Variants in CKMT1A observed in about 807,000 individuals in gnomAD.
The protein encoded by CKMT1A is creatine kinase U-type, mitochondrial.
A neutral mutation model predicts 21.8 loss-of-function variants in CKMT1A; 23 were observed. The observed-to-expected ratio is 1.05, with a 90% CI of 0.76 to 1.49. The LOEUF (loss-of-function observed/expected upper bound fraction) is 1.49, where lower values mean the gene tolerates loss of function less well. Ranked by LOEUF, CKMT1A falls within the 40% of genes most tolerant of loss-of-function variation. CKMT1A has a pLI of 0.00. For missense variants in CKMT1A, 154 were observed against 229.4 expected (o/e 0.67, Z 2.12); for synonymous variants, 67 against 80.4 (o/e 0.83, Z 0.89).
intron 6 of CKMT1A, chr15:43,697,735 T>A (rs1314563892): frequency 1.0e-6 from 1 of 984,578 alleles, no homozygotes; most frequent in Non-Finnish European, 1.2e-6. Context: ...TCTGTTCATT[T>A]CCCTAGATCA....
chr15:43,698,956 A>G lies in CKMT1A; in HGVS notation c.1138-17A>G. 2 of 1,613,576 alleles carry G rather than the reference A, an allele frequency of 1.2e-6. No homozygotes were observed. The highest frequency in any genetic ancestry group is 1.7e-6 in the Non-Finnish European group (2 of 1,179,832). Reference sequence around the variant, plus strand: ...TCAGACTGTAGGAAGCAGAGATCAAAGATTAGTGTCCTTCAGGTGGAGCTG... The same window carrying G: ...TCAGACTGTAGGAAGCAGAGATCAAGGATTAGTGTCCTTCAGGTGGAGCTG... On this transcript the variant is annotated splice_polypyrimidine_tract_variant and intron_variant, in intron 8 of 8. Transcript: ENST00000413453.
chr15:43,696,836 G>A lies in CKMT1A; in HGVS notation c.876+473G>A, dbSNP rs148587334. ...ATCGGGTCTAGGCTTTAAGTTGAGA[G>A]TTCAGAGGGAGACTGGGGAAGGTGG... On this transcript the variant is annotated intron_variant, in intron 6 of 8. Coordinates refer to ENST00000413453, the MANE Select transcript of CKMT1A (RefSeq NM_001321926.2). The A allele has an allele frequency of 2.3e-3, 662 of 284,872 alleles. 10 individuals carry two copies. Among genetic ancestry groups the A allele is most frequent in the African/African-American group, 0.014 (624 of 45,458 alleles). 17.6% of individuals were successfully genotyped at this position (284,872 alleles called of 1,614,324 possible). A position where few individuals can be genotyped will look rare whatever the true frequency, so the allele number is the denominator to read the frequency against.
At chr15:43,695,965 G>A in intron 4 of CKMT1A, 56 bp downstream of exon 4, 4 of 352,294 alleles carry the variant, frequency 1.1e-5, no homozygotes, top group Non-Finnish European at 1.4e-5. Context: ...GGCTGGGCCA[G>A]ATGAGACATG....
At chr15:43,697,970 G>T (rs1480045635) in intron 6 of CKMT1A, 44 bp from the exon 7 acceptor site, 3 of 1,612,856 alleles carry the variant, frequency 1.9e-6, no homozygotes, top group Non-Finnish European at 2.5e-6. Context: ...CAGGGTTAAT[G>T]AAATATCCCT....
At chr15:43,697,839 A>C (rs1230130518) in intron 6 of CKMT1A, 175 bp from the exon 7 acceptor site, 3 of 979,698 alleles carry the variant, frequency 3.1e-6, no homozygotes, top group Admixed American at 1.2e-4. Context: ...TGCATCATGC[A>C]TGCATGAAAA....
Position 43,699,060 on chromosome 15 carries a change from C to T in CKMT1A, c.1225C>T (p.Pro409Ser), listed in dbSNP as rs2086501976. Residue 409 changes from proline (P) to serine (S), a missense_variant, in exon 9 of 9, where the codon CCC becomes TCC. By Grantham distance (74) the Pro-to-Ser change is moderately conservative. Transcript: ENST00000413453. ...RLERGQDIRI[P>S]TPVIHTKH ...GGAGAGAGGCCAGGATATCCGCATC[C>T]CCACACCTGTCATCCACACCAAGCA... 6.2e-7 allele frequency: 1 copy of T among 1,613,420 alleles called. No homozygotes were observed.
chr15:43,698,900 G>C (rs1177285748), intron 8 of CKMT1A, 73 bp from the exon 9 acceptor site: 3 of 1,603,220 alleles, frequency 1.9e-6, no homozygotes, highest in East Asian at 2.2e-5. Flanking sequence ...TTGGAAATGA[G>C]CAGGCAAGTC....
In CKMT1A at chr15:43,698,625, C is replaced by G; in HGVS notation, c.1012-16C>G. On this transcript the variant is annotated splice_polypyrimidine_tract_variant and intron_variant, in intron 7 of 8. Transcript: ENST00000413453. ...GCCTCTATTGACCCTGCTCCCAATC[C>G]CTATCTCCTCTCTAGGATAGCCGCT... 1.2e-6 allele frequency: 2 copies of G among 1,610,344 alleles called. No individual in the cohort carries two copies. The highest frequency in any genetic ancestry group is 8.5e-7 in the Non-Finnish European group (1 of 1,177,916).
At chr15:43,696,450 C>G (rs113935795) in intron 6 of CKMT1A, 87 bp downstream of exon 6, 5 of 1,590,598 alleles carry the variant, frequency 3.1e-6, no homozygotes, top group South Asian at 2.2e-5. Flanking sequence ...ATTTATCAAC[C>G]AACCCAAGAC....
Position 43,698,100 on chromosome 15 carries a change from C to T in CKMT1A, c.963C>T (p.Gly321=), listed in dbSNP as rs760886543. The change falls in exon 7 of 9, where the codon GGC becomes GGT. Residue 321 remains glycine (G), a synonymous_variant. Coordinates refer to ENST00000413453, the MANE Select transcript of CKMT1A (RefSeq NM_001321926.2). Reference sequence around the variant, plus strand: ...TCTTGACCTGTCCATCTAACCTGGGCACTGGACTTCGGGCAGGAGTGCACA... The same window carrying T: ...TCTTGACCTGTCCATCTAACCTGGGTACTGGACTTCGGGCAGGAGTGCACA... ...GYILTCPSNL[G]TGLRAGVHIK... 16 of 1,612,768 alleles carry T rather than the reference C, an allele frequency of 9.9e-6. No individual in the cohort carries two copies. In the Admixed American group the frequency reaches 2.2e-4, roughly 22 times the overall value.
chr15:43,696,186 A>G (rs1237829367), intron 5 of CKMT1A, 54 bp from the exon 6 acceptor site: 3 of 1,415,852 alleles, frequency 2.1e-6, no homozygotes, highest in Non-Finnish European at 2.9e-6. Context: ...TTTTCCCTCT[A>G]TCTCTCCCAA....
At chr15:43,695,963 C>T in intron 4 of CKMT1A, 54 bp downstream of exon 4, 1 of 347,970 alleles carries the variant, frequency 2.9e-6, no homozygotes, top group Non-Finnish European at 4.9e-6. Context: ...AAGGCTGGGC[C>T]AGATGAGACA....
intron 6 of CKMT1A, chr15:43,696,666 A>C (rs938177085): frequency 1.1e-5 from 5 of 450,362 alleles, no homozygotes; most frequent in African/African-American, 1.0e-4. Context: ...GTGCAGTGGG[A>C]TGGTGAGGTG....
intron 6 of CKMT1A, 52 bp from the exon 7 acceptor site, chr15:43,697,962 G>A: frequency 6.2e-7 from 1 of 1,612,412 alleles, no homozygotes; most frequent in Non-Finnish European, 8.5e-7. Flanking sequence ...GGAGGGTCCA[G>A]GGTTAATGAA....
At chr15:43,696,213 T>G in intron 5 of CKMT1A, 27 bp from the exon 6 acceptor site, 1 of 1,531,906 alleles carries the variant, frequency 6.5e-7, no homozygotes, top group South Asian at 1.2e-5. Flanking sequence ...CCTTGCCTCT[T>G]GATCACTGTC....
At chr15:43,697,932 T>C (rs1041549008) in intron 6 of CKMT1A, 82 bp from the exon 7 acceptor site, 1 of 1,572,182 alleles carries the variant, frequency 6.4e-7, no homozygotes, top group African/African-American at 1.4e-5. Flanking sequence ...ATTTCTAGTG[T>C]TCTTGTGGGT....
chr15:43,696,877 G>A (rs534053733), intron 6 of CKMT1A: 59 of 301,646 alleles, frequency 2.0e-4, no homozygotes, highest in South Asian at 2.0e-4. Flanking sequence ...AGAATGGTTC[G>A]AGTTCTAGAA....
At position 43,696,040 on chromosome 15, in the gene CKMT1A, A is replaced by G; in HGVS notation, c.668A>G (p.Asp223Gly). 1 of 499,280 alleles carries G rather than the reference A, an allele frequency of 2.0e-6. No homozygotes were observed. Among genetic ancestry groups the G allele is most frequent in the Non-Finnish European group, 3.3e-6 (1 of 301,092 alleles). The allele number at this position is 499,280 out of a possible 1,614,324, so 30.9% of individuals were successfully genotyped here. A position where few individuals can be genotyped will look rare whatever the true frequency, so the allele number is the denominator to read the frequency against. Residue 223 changes from aspartate (D) to glycine (G), a missense_variant and splice_region_variant, in exon 5 of 9, where the codon GAC becomes GGC. Transcript: ENST00000413453. ...CCCAAGTCCCGTTACTCTTCCCAGG[A>G]CCACTTTCTGTTTGATAAGCCTGTG... ...TEAEQQQLID[D>G]HFLFDKPVSP... is the part of the protein sequence containing the mutation.
chr15:43,697,810 A>C, intron 6 of CKMT1A: 2 of 983,806 alleles, frequency 2.0e-6, no homozygotes, highest in Non-Finnish European at 2.4e-6. Flanking sequence ...CAATCTCATT[A>C]TTATGCACAT....
Sources: allele counts gnomAD v4.1 joint callset, GRCh38; gene constraint gnomAD v4.1.1; transcripts MANE v1.5; gene names NCBI Gene and HGNC (gene_info 2026-07-23, HGNC 2026-07-21).